The following INHBA variants were observed in gnomAD, a reference collection of about 807,000 sequenced individuals.
INHBA encodes the protein inhibin beta A chain.
INHBA carries 1 observed loss-of-function variant against 29.0 expected under a neutral mutation model. The observed-to-expected ratio is 0.03, with a 90% CI of 0.01 to 0.16. The LOEUF is 0.16. Among genes scored for constraint, INHBA ranks in the 10% least tolerant of loss-of-function variants. INHBA has a pLI of 1.00. For missense variants in INHBA, 376 were observed against 545.4 expected, an observed-to-expected ratio of 0.69 and a Z score of 3.09; for synonymous variants, 242 against 216.8, an observed-to-expected ratio of 1.12 and a Z score of -1.02.
At position 41,690,246 on chromosome 7, in the gene INHBA, G is replaced by A. The variant is rs908163566; in HGVS notation, c.685C>T (p.Arg229Trp). 12 of 1,613,860 alleles carry A rather than the reference G, an allele frequency of 7.4e-6. No individual in the cohort carries two copies. The highest frequency in any genetic ancestry group is 2.2e-5 in the East Asian group (1 of 44,852). ...HVFPVSSSIQ[R>W]LLDQGKSSLD... ...GAGCTCTTGCCCTGGTCCAGCAACC[G>A]CTGGATGCTGCTGGAGACAGGGAAG... Residue 229 changes from arginine to tryptophan, a missense_variant, in exon 3 of 3, where the codon CGG becomes TGG. By Grantham distance (101) the Arg-to-Trp change is moderately radical. Coordinates refer to ENST00000242208, the MANE Select transcript of INHBA (RefSeq NM_002192.4).
At chr7:41,694,549 G>A (rs1794597716) in intron 2 of INHBA, among the ~76,000 whole-genome samples, 1 of 152,186 alleles carries the variant, frequency 6.6e-6, no homozygotes, top group South Asian at 2.1e-4. Context: ...TTGTACAGGT[G>A]CGACCTAGGT....
intron 2 of INHBA, among the ~76,000 whole-genome samples, chr7:41,693,516 A>C (rs1222051914): frequency 6.6e-6 from 1 of 152,210 alleles, no homozygotes; most frequent in Non-Finnish European, 1.5e-5. Context: ...CACACAGCCT[A>C]CAGGACAGCC....
intron 2 of INHBA, among the ~76,000 whole-genome samples, chr7:41,693,026 C>T (rs1006269687): frequency 1.3e-5 from 2 of 152,210 alleles, no homozygotes; most frequent in Non-Finnish European, 2.9e-5. Context: ...TTGGGCACAT[C>T]TGCCTTGCCC....
chr7:41,691,752 G>A (rs934697014), intron 2 of INHBA: 3 of 152,186 alleles, frequency 2.0e-5, no homozygotes, highest in African/African-American at 7.2e-5. Context: ...TAGAATGCCC[G>A]GGGTCTAAGG....
intron 2 of INHBA, among the ~76,000 whole-genome samples, chr7:41,694,313 A>T (rs1267647773): frequency 6.6e-6 from 1 of 152,180 alleles, no homozygotes; most frequent in Non-Finnish European, 1.5e-5. Context: ...TATTCCCTTT[A>T]TCTCTATATT....
intron 2 of INHBA, among the ~76,000 whole-genome samples, chr7:41,697,533 A>T (rs1210923203): frequency 6.6e-6 from 1 of 152,186 alleles, no homozygotes; most frequent in African/African-American, 2.4e-5. Flanking sequence ...ACGTAGCCTC[A>T]AATTGAAGAA....
intron 2 of INHBA, chr7:41,692,359 T>C (rs778670892): frequency 6.6e-6 from 1 of 152,186 alleles, no homozygotes; most frequent in Non-Finnish European, 1.5e-5. Context: ...GCCATACTTA[T>C]CACTCGAGGC....
Position 41,701,967 on chromosome 7 carries a change from TA to T in INHBA, c.-144+1037del, listed in dbSNP as rs201976117. Among the ~76,000 whole-genome samples the T allele has an allele frequency of 3.6e-3, 542 of 152,150 alleles. 6 individuals carry two copies. The highest frequency in any genetic ancestry group is 0.012 in the Admixed American group (182 of 15,290). The stretch of plus-strand genomic sequence containing the variant: ...TTTTTAACAATGCCTTTCTAAGGCT[TA>T]AAAAAAATTCTTCCCCCTCCCCTCT... On this transcript the variant is annotated intron_variant, in intron 1 of 2. Coordinates refer to ENST00000242208, the MANE Select transcript of INHBA (RefSeq NM_002192.4).
In INHBA at chr7:41,700,086, C is replaced by G. The variant is rs540086083; in HGVS notation, c.289G>C (p.Glu97Gln). 6.2e-7 allele frequency: 1 copy of G among 1,614,068 alleles called. No homozygotes were observed. The highest frequency in any genetic ancestry group is 1.3e-5 in the African/African-American group (1 of 75,018). ...TCCTCTATCTCCACATACCCGTTCT[C>G]CCCGACTTTGCCCACATGAAGCTTT... ...IRKLHVGKVGENGYVEIEDDI... is the reference protein window; with the variant it reads ...IRKLHVGKVGQNGYVEIEDDI... Residue 97 changes from glutamate to glutamine, a missense_variant, in exon 2 of 3, where the codon GAG (glutamate) becomes CAG (glutamine). Physicochemically the swap from Glu to Gln is conservative, Grantham distance 29. Coordinates refer to ENST00000242208, the MANE Select transcript of INHBA (RefSeq NM_002192.4).
chr7:41,689,340 G>A lies in INHBA; in HGVS notation c.*310C>T, dbSNP rs372749601. 1.9e-5 allele frequency: 6 copies of A among 312,380 alleles called. No individual in the cohort carries two copies. Among genetic ancestry groups the A allele is most frequent in the Admixed American group, 4.8e-5 (1 of 21,050 alleles). 19.4% of individuals were successfully genotyped at this position (312,380 alleles called of 1,614,324 possible). On this transcript the variant is annotated 3_prime_UTR_variant, in exon 3 of 3. Coordinates refer to ENST00000242208, the MANE Select transcript of INHBA (RefSeq NM_002192.4). Reference sequence around the variant, plus strand: ...TCAAGGGGGGAAAGGACAATACCCCGTTTAAACAACTGATGTCATCAGTGT... The same window carrying A: ...TCAAGGGGGGAAAGGACAATACCCCATTTAAACAACTGATGTCATCAGTGT...
At chr7:41,696,926 C>T (rs1269276281) in intron 2 of INHBA, among the ~76,000 whole-genome samples, 1 of 152,146 alleles carries the variant, frequency 6.6e-6, no homozygotes, top group South Asian at 2.1e-4. Flanking sequence ...CTTGGTGTGT[C>T]ATTTGTCTTT....
rs931270758 is a variant in INHBA at position 41,686,717 on chromosome 7, C to T, written c.*2933G>A. The T allele has an allele frequency of 4.6e-5, 7 of 152,158 alleles. No homozygotes were observed. The highest frequency in any genetic ancestry group is 2.1e-4 in the South Asian group (1 of 4,830). 9.4% of individuals were successfully genotyped at this position (152,158 alleles called of 1,614,324 possible). A position where few individuals can be genotyped will look rare whatever the true frequency, so the allele number is the denominator to read the frequency against. On this transcript the variant is annotated 3_prime_UTR_variant, in exon 3 of 3. Coordinates refer to ENST00000242208, the MANE Select transcript of INHBA (RefSeq NM_002192.4). ...AATTACATTTCTCTGCTTCTGATAA[C>T]TGTGGTCACTAATCAACCCCCATGT...
chr7:41,693,920 C>T (rs568715598), intron 2 of INHBA: 122 of 152,304 alleles, frequency 8.0e-4, no homozygotes, highest in African/African-American at 2.6e-3. Context: ...CCTGTCGCCT[C>T]CTTCTCCTGG....
rs1409937409 is a variant in INHBA, at chr7:41,687,519, T to TTAAGCATG, written c.*2123_*2130dup. 1 of 152,200 alleles carries TTAAGCATG rather than the reference T, an allele frequency of 6.6e-6. No individual in the cohort carries two copies. The highest frequency in any genetic ancestry group is 2.4e-5 in the African/African-American group (1 of 41,458). 9.4% of individuals were successfully genotyped at this position (152,200 alleles called of 1,614,324 possible). A position where few individuals can be genotyped will look rare whatever the true frequency, so the allele number is the denominator to read the frequency against. ...GAATAAACTAGATAAAAACTTGGCT[T>TTAAGCATG]TAAGCATGTACTTTGATATTTATAA... On this transcript the variant is annotated 3_prime_UTR_variant, in exon 3 of 3. Coordinates refer to ENST00000242208, the MANE Select transcript of INHBA (RefSeq NM_002192.4).
chr7:41,688,924 G>T lies in INHBA; in HGVS notation c.*726C>A, dbSNP rs959039815. On this transcript the variant is annotated 3_prime_UTR_variant, in exon 3 of 3. Transcript: ENST00000242208. Reference sequence around the variant, plus strand: ...GTTCTAAGATCATAAGCACCTTAACGAAATGTAACTTGGTATTCTTTTTTC... The same window carrying T: ...GTTCTAAGATCATAAGCACCTTAACTAAATGTAACTTGGTATTCTTTTTTC... 1.7e-5 allele frequency: 4 copies of T among 229,668 alleles called. No individual in the cohort carries two copies. Among genetic ancestry groups the T allele is most frequent in the African/African-American group, 6.7e-5 (3 of 45,032 alleles). The allele number at this position is 229,668 out of a possible 1,614,324, so 14.2% of individuals were successfully genotyped here. A position where few individuals can be genotyped will look rare whatever the true frequency, so the allele number is the denominator to read the frequency against.
chr7:41,698,292 TG>T (rs1794694684), intron 2 of INHBA, among the ~76,000 whole-genome samples: 1 of 152,118 alleles, frequency 6.6e-6, no homozygotes, highest in South Asian at 2.1e-4. Context: ...CGGTTAAAAG[TG>T]GTCAAAGGCA....
Position 41,700,531 on chromosome 7 carries a change from A to G in INHBA, c.-143-14T>C. On this transcript the variant is annotated splice_polypyrimidine_tract_variant and intron_variant, in intron 1 of 2. Coordinates refer to ENST00000242208, the MANE Select transcript of INHBA (RefSeq NM_002192.4). ...TCAGCAAATTCTCTGGAACAAGAACAAAAAGTTTTCTGTGAAGTTTTGTTT... is the reference window on the plus strand; with the variant it reads ...TCAGCAAATTCTCTGGAACAAGAACGAAAAGTTTTCTGTGAAGTTTTGTTT... The G allele has an allele frequency of 1.5e-6, 1 of 674,036 alleles. No homozygotes were observed. The allele number at this position is 674,036 out of a possible 1,614,324, so 41.8% of individuals were successfully genotyped here. A position where few individuals can be genotyped will look rare whatever the true frequency, so the allele number is the denominator to read the frequency against.
Position 41,696,769 on chromosome 7 carries a change from G to A in INHBA, c.388+3218C>T, listed in dbSNP as rs142127154. Among the ~76,000 whole-genome samples the A allele has an allele frequency of 9.5e-3, 1,446 of 152,276 alleles. 26 individuals are homozygous for A. The highest frequency in any genetic ancestry group is 0.033 in the African/African-American group (1,359 of 41,544). On this transcript the variant is annotated intron_variant, in intron 2 of 2. Coordinates refer to ENST00000242208, the MANE Select transcript of INHBA (RefSeq NM_002192.4). ...TTTTGAGATGGCTTTCTTGGGGTGG[G>A]GAAAATGGTCATCCAAGCAAAGCTT...
At position 41,689,993 on chromosome 7, in the gene INHBA, T is replaced by C. The variant is rs1794464219; in HGVS notation, c.938A>G (p.Glu313Gly). 6.2e-7 allele frequency: 1 copy of C among 1,613,868 alleles called. No homozygotes were observed. Among genetic ancestry groups the C allele is most frequent in the Admixed American group, 1.7e-5 (1 of 60,006 alleles). ...HPHRRRRRGL[E>G]CDGKVNICCK... is the part of the protein sequence containing the mutation. ...GCAGATGTTGACCTTGCCATCACAC[T>C]CCAAGCCCCGCCGACGCCGGCGATG... is the stretch of plus-strand genomic sequence containing the variant. The change falls in exon 3 of 3, where the codon GAG (glutamate) becomes GGG (glycine). Residue 313 changes from glutamate (E) to glycine (G), a missense_variant. Glu to Gly is a moderately conservative substitution (Grantham distance 98). This residue lies in a region of INHBA where 253 missense variants were observed against 313.4 expected (regional missense o/e 0.81). Transcript: ENST00000242208.
Sources: gnomAD v4.1 joint callset for allele counts (sites outside exome capture counted in the v4.1 genomes callset) on GRCh38, gnomAD v4.1.1 for gene constraint, gnomAD v4.1.1 regional missense constraint, MANE v1.5 for transcripts, NCBI Gene and HGNC (gene_info 2026-07-23, HGNC 2026-07-21) for gene names.